Variants in ZNF385B observed in about 807,000 individuals in gnomAD.
ZNF385B encodes the protein zinc finger protein 385B.
A neutral mutation model predicts 39.2 loss-of-function variants in ZNF385B; 23 were observed. That is an observed-to-expected ratio of 0.59 (90% CI 0.42 to 0.83). ZNF385B has a LOEUF of 0.83. Ranked by LOEUF, ZNF385B falls within the 40% of genes least tolerant of loss-of-function variation. ZNF385B has a pLI of 0.00. For missense variants in ZNF385B, 552 were observed against 598.9 expected (o/e 0.92, Z 0.82); for synonymous variants, 205 against 222.6 (o/e 0.92, Z 0.70).
At chr2:179,840,593 G>A (rs1708488083) in intron 1 of ZNF385B, among the ~76,000 whole-genome samples, 1 of 152,126 alleles carries the variant, frequency 6.6e-6, no homozygotes, top group Non-Finnish European at 1.5e-5. Flanking sequence ...AAAATCCCTG[G>A]TGCCTAATAT....
intron 3 of ZNF385B, among the ~76,000 whole-genome samples, chr2:179,747,008 A>C (rs544874825): frequency 8.7e-4 from 132 of 152,248 alleles, no homozygotes; most frequent in Middle Eastern, 6.8e-3. Flanking sequence ...CAATTTTTTA[A>C]AAAGGGTTTT....
intron 1 of ZNF385B, among the ~76,000 whole-genome samples, chr2:179,780,217 C>T (rs1362936808): frequency 6.6e-6 from 1 of 152,174 alleles, no homozygotes; most frequent in East Asian, 1.9e-4. Flanking sequence ...CATTTGATTG[C>T]TTCATGTTAG....
intron 3 of ZNF385B, among the ~76,000 whole-genome samples, chr2:179,718,605 C>G (rs1041171185): frequency 1.3e-5 from 2 of 149,948 alleles, no homozygotes; most frequent in Non-Finnish European, 3.0e-5. Flanking sequence ...CTTAAATGTA[C>G]TACTTTTACA....
At chr2:179,497,401 TG>T in intron 5 of ZNF385B, among the ~76,000 whole-genome samples, 1 of 151,816 alleles carries the variant, frequency 6.6e-6, no homozygotes, top group East Asian at 1.9e-4. Context: ...AGTTAAAAAG[TG>T]GGGGGATAAA....
intron 5 of ZNF385B, among the ~76,000 whole-genome samples, chr2:179,507,957 C>CAT (rs2057375600): frequency 6.6e-6 from 1 of 152,160 alleles, no homozygotes; most frequent in Non-Finnish European, 1.5e-5. Flanking sequence ...TTCATGGCTT[C>CAT]CAGGGCAAAA....
chr2:179,830,073 G>A (rs928345264), intron 1 of ZNF385B, among the ~76,000 whole-genome samples: 3 of 152,188 alleles, frequency 2.0e-5, no homozygotes, highest in East Asian at 1.9e-4. Context: ...TAGGCACCTC[G>A]CCAAAGAAGA....
At chr2:179,760,138 A>T (rs1391176262) in intron 3 of ZNF385B, among the ~76,000 whole-genome samples, 1 of 151,418 alleles carries the variant, frequency 6.6e-6, no homozygotes, top group African/African-American at 2.4e-5. Context: ...AAAGCTATAG[A>T]ATAATAGTGT....
At chr2:179,610,774 T>A (rs1689225893) in intron 3 of ZNF385B, among the ~76,000 whole-genome samples, 1 of 152,184 alleles carries the variant, frequency 6.6e-6, no homozygotes, top group Non-Finnish European at 1.5e-5. Flanking sequence ...ACTTCCTTGG[T>A]TAATTCCTAG....
intron 6 of ZNF385B, among the ~76,000 whole-genome samples, chr2:179,482,429 T>A (rs2054100347): frequency 6.6e-6 from 1 of 152,212 alleles, no homozygotes; most frequent in South Asian, 2.1e-4. Context: ...CAAGATGACA[T>A]ATCCGTCATG....
At position 179,804,247 on chromosome 2, in the gene ZNF385B, G is replaced by C. The variant is rs140243912; in HGVS notation, c.-154-33575C>G. Among the ~76,000 whole-genome samples, 570 of 152,046 alleles carry C rather than the reference G, an allele frequency of 3.7e-3. 3 individuals are homozygous for C. The highest frequency in any genetic ancestry group is 0.013 in the African/African-American group (531 of 41,524). ...AGAAGATGTACTCACATAGAGGGAA[G>C]ACCTCTTCACTTGACCTACACCTCC... On this transcript the variant is annotated intron_variant, in intron 1 of 9. Transcript: ENST00000410066.
chr2:179,529,937 T>C (rs1419587161), intron 4 of ZNF385B, among the ~76,000 whole-genome samples: 1 of 152,196 alleles, frequency 6.6e-6, no homozygotes. Flanking sequence ...CCTTATTTAG[T>C]ATTGTATCTC....
intron 3 of ZNF385B, among the ~76,000 whole-genome samples, chr2:179,643,272 A>T (rs1692429632): frequency 6.6e-6 from 1 of 152,232 alleles, no homozygotes; most frequent in South Asian, 2.1e-4. Context: ...TCAGTATTAC[A>T]TAAGGAAATG....
intron 1 of ZNF385B, among the ~76,000 whole-genome samples, chr2:179,814,051 T>C (rs1028391214): frequency 1.4e-4 from 22 of 152,248 alleles, no homozygotes; most frequent in African/African-American, 5.3e-4. Flanking sequence ...TTTACAAACC[T>C]GTTTAACAAC....
intron 3 of ZNF385B, among the ~76,000 whole-genome samples, chr2:179,767,944 T>G (rs949842161): frequency 1.3e-5 from 2 of 148,266 alleles, no homozygotes; most frequent in Admixed American, 6.8e-5. Context: ...ATATTATATA[T>G]TTTATATATA....
intron 4 of ZNF385B, among the ~76,000 whole-genome samples, chr2:179,527,318 C>G (rs930528354): frequency 6.6e-6 from 1 of 152,118 alleles, no homozygotes; most frequent in Non-Finnish European, 1.5e-5. Context: ...TTTTTTTCCT[C>G]TGTTTTCTAA....
chr2:179,648,017 G>C (rs1426591482), intron 3 of ZNF385B, among the ~76,000 whole-genome samples: 1 of 152,074 alleles, frequency 6.6e-6, no homozygotes, highest in African/African-American at 2.4e-5. Flanking sequence ...GGTGACTGTG[G>C]CAGAGCAGTG....
intron 1 of ZNF385B, among the ~76,000 whole-genome samples, chr2:179,798,395 G>C (rs906187092): frequency 4.6e-5 from 7 of 152,012 alleles, no homozygotes; most frequent in Admixed American, 4.6e-4. Context: ...TTGTTTGTAG[G>C]CCATTTCAGT....
chr2:179,737,886 T>C (rs1330846439), intron 3 of ZNF385B, among the ~76,000 whole-genome samples: 3 of 152,190 alleles, frequency 2.0e-5, no homozygotes, highest in Non-Finnish European at 2.9e-5. Flanking sequence ...CCTCAGAAAC[T>C]GTTCCATAAC....
intron 1 of ZNF385B, among the ~76,000 whole-genome samples, chr2:179,815,239 A>G (rs1706989620): frequency 6.6e-6 from 1 of 152,172 alleles, no homozygotes; most frequent in Admixed American, 6.5e-5. Context: ...AGGTAGAGAG[A>G]CTTGTCTAGG....
Sources: gnomAD v4.1 joint callset for allele counts (sites outside exome capture counted in the v4.1 genomes callset) on GRCh38, gnomAD v4.1.1 for gene constraint, MANE v1.5 for transcripts, NCBI Gene and HGNC (gene_info 2026-07-23, HGNC 2026-07-21) for gene names.